Variants in GRID2 observed in about 807,000 individuals in gnomAD.
GRID2 encodes the protein glutamate receptor ionotropic, delta-2.
A neutral mutation model predicts 114.8 loss-of-function variants in GRID2; 33 were observed. That is an observed-to-expected ratio of 0.29 (90% CI 0.22 to 0.38). GRID2 has a LOEUF of 0.38. Ranked by LOEUF, GRID2 falls within the 10% of genes least tolerant of loss-of-function variation. The pLI is 1.00. For synonymous variants in GRID2, 505 were observed against 449.9 expected (o/e 1.12, Z -1.55); for missense variants, 1,184 against 1,257.7 (o/e 0.94, Z 0.89).
intron 2 of GRID2, among the ~76,000 whole-genome samples, chr4:92,634,893 G>GAGAC (rs1273130547): frequency 4.6e-5 from 7 of 151,292 alleles, no homozygotes; most frequent in African/African-American, 1.7e-4. Flanking sequence ...GAGAGAGAGA[G>GAGAC]AGAGAAATTG....
intron 4 of GRID2, among the ~76,000 whole-genome samples, chr4:93,128,408 A>G (rs1734497627): frequency 6.6e-6 from 1 of 152,220 alleles, no homozygotes; most frequent in Admixed American, 6.5e-5. Flanking sequence ...TCTGACATAA[A>G]GAAATTTTGA....
chr4:93,616,013 A>G (rs969185838), intron 13 of GRID2, among the ~76,000 whole-genome samples: 1 of 152,316 alleles, frequency 6.6e-6, no homozygotes, highest in South Asian at 2.1e-4. Context: ...GTTTTATGAT[A>G]GTCCAACATT....
chr4:93,596,582 A>G (rs977637356), intron 13 of GRID2, among the ~76,000 whole-genome samples: 1 of 152,202 alleles, frequency 6.6e-6, no homozygotes, highest in Admixed American at 6.5e-5. Context: ...GGTCTTAAAA[A>G]AAAAAGAAAA....
chr4:93,182,737 T>C (rs1284968541), intron 4 of GRID2, among the ~76,000 whole-genome samples: 2 of 152,244 alleles, frequency 1.3e-5, no homozygotes, highest in Middle Eastern at 3.2e-3. Flanking sequence ...TTATAAACAA[T>C]TTATCACTTT....
At chr4:92,457,786 G>C (rs548165238) in intron 1 of GRID2, among the ~76,000 whole-genome samples, 3 of 152,232 alleles carry the variant, frequency 2.0e-5, no homozygotes, top group African/African-American at 2.4e-5. Context: ...AGAACAAAGA[G>C]AAAGTGTCTT....
intron 2 of GRID2, among the ~76,000 whole-genome samples, chr4:92,699,744 T>G (rs140514028): frequency 6.6e-6 from 1 of 152,294 alleles, no homozygotes; most frequent in East Asian, 1.9e-4. Flanking sequence ...TATAAGACAA[T>G]GACTTCTGTC....
chr4:93,337,206 G>A lies in GRID2; in HGVS notation c.1246-58401G>A, dbSNP rs140682350. 2.6e-3 allele frequency among the ~76,000 whole-genome samples: 393 copies of A among 152,216 alleles called. 2 individuals carry two copies. Among genetic ancestry groups the A allele is most frequent in the African/African-American group, 8.8e-3 (366 of 41,538 alleles). ...TAATTTTTTTTCTTGATAATTTGAT[G>A]GATTTTTAGGGTTTTATTTTTAAAC... is the stretch of plus-strand genomic sequence containing the variant. On this transcript the variant is annotated intron_variant, in intron 8 of 15. Transcript: ENST00000282020.
intron 1 of GRID2, among the ~76,000 whole-genome samples, chr4:92,558,470 C>A (rs949569169): frequency 6.6e-6 from 1 of 152,060 alleles, no homozygotes; most frequent in African/African-American, 2.4e-5. Flanking sequence ...ACAGTAAATG[C>A]AAGAAGCTTT....
chr4:93,534,016 T>C (rs1023520412), intron 13 of GRID2, among the ~76,000 whole-genome samples: 4 of 152,102 alleles, frequency 2.6e-5, no homozygotes, highest in African/African-American at 9.7e-5. Flanking sequence ...TGTTTCTTGG[T>C]TGTACCAACC....
At chr4:93,612,066 G>T (rs1026007791) in intron 13 of GRID2, among the ~76,000 whole-genome samples, 2 of 152,122 alleles carry the variant, frequency 1.3e-5, no homozygotes, top group South Asian at 2.1e-4. Flanking sequence ...TTACCATTAT[G>T]TAATGGCCTT....
rs968311230 is a variant in GRID2 at position 93,741,945 on chromosome 4, G to T, written c.2361-27265G>T. On this transcript the variant is annotated intron_variant, in intron 14 of 15. Transcript: ENST00000282020. ...GTCTCAAAAAAAAAAAAAAAAAAGT[G>T]TTTGTGGTGTGTTTGTTCATGTGTG... Among the ~76,000 whole-genome samples, 3 of 145,044 alleles carry T rather than the reference G, an allele frequency of 2.1e-5. No homozygotes were observed. In the East Asian group the frequency reaches 6.3e-4, roughly 30 times the overall value.
intron 8 of GRID2, among the ~76,000 whole-genome samples, chr4:93,247,365 C>T (rs1265905916): frequency 6.6e-6 from 1 of 152,056 alleles, no homozygotes; most frequent in African/African-American, 2.4e-5. Context: ...TAAAGATTAC[C>T]TCACCCATAC....
At chr4:92,953,086 A>G (rs1010685818) in intron 2 of GRID2, among the ~76,000 whole-genome samples, 79 of 151,984 alleles carry the variant, frequency 5.2e-4, no homozygotes, top group African/African-American at 1.8e-3. Context: ...TTCTTAGTAC[A>G]CCAACAGTCG....
intron 2 of GRID2, among the ~76,000 whole-genome samples, chr4:92,932,771 C>G (rs997414677): frequency 2.0e-5 from 3 of 151,094 alleles, no homozygotes; most frequent in Non-Finnish European, 4.4e-5. Flanking sequence ...GTGGATGAAT[C>G]TAAAAAAGTC....
At chr4:93,730,319 G>T (rs1178548478) in intron 14 of GRID2, among the ~76,000 whole-genome samples, 1 of 152,214 alleles carries the variant, frequency 6.6e-6, no homozygotes, top group African/African-American at 2.4e-5. Context: ...GTGCAGCCTA[G>T]ATAGTAGTTA....
chr4:93,116,016 G>T (rs936723083), intron 4 of GRID2, among the ~76,000 whole-genome samples: 4 of 152,072 alleles, frequency 2.6e-5, no homozygotes, highest in African/African-American at 9.7e-5. Context: ...TGATTTATTA[G>T]TTTGTCATCT....
intron 14 of GRID2, among the ~76,000 whole-genome samples, chr4:93,700,688 A>G (rs1727431822): frequency 6.6e-6 from 1 of 152,104 alleles, no homozygotes; most frequent in Non-Finnish European, 1.5e-5. Context: ...TCATCTAAGG[A>G]TATAAAGTAG....
chr4:92,649,509 A>G (rs975261698), intron 2 of GRID2, among the ~76,000 whole-genome samples: 1 of 151,384 alleles, frequency 6.6e-6, no homozygotes, highest in Admixed American at 6.6e-5. Flanking sequence ...ACTGATTCCT[A>G]TATTAATCTC....
At chr4:92,921,168 T>C (rs1415307859) in intron 2 of GRID2, among the ~76,000 whole-genome samples, 1 of 152,290 alleles carries the variant, frequency 6.6e-6, no homozygotes, top group Admixed American at 6.5e-5. Flanking sequence ...ACATTCATCA[T>C]GTAGTTCTCA....
Sources: gnomAD v4.1 joint callset for allele counts (sites outside exome capture counted in the v4.1 genomes callset) on GRCh38, gnomAD v4.1.1 for gene constraint, MANE v1.5 for transcripts, NCBI Gene and HGNC (gene_info 2026-07-23, HGNC 2026-07-21) for gene names.